The following RANBP2 variants were observed in gnomAD, a reference collection of about 807,000 sequenced individuals.
RANBP2 encodes E3 SUMO-protein ligase RanBP2.
A neutral mutation model predicts 303.6 loss-of-function variants in RANBP2; 57 were observed. That is an observed-to-expected ratio of 0.19 (90% CI 0.15 to 0.23). The LOEUF (loss-of-function observed/expected upper bound fraction) is 0.23. Among genes scored for constraint, RANBP2 ranks in the 10% least tolerant of loss-of-function variants. RANBP2 has a pLI of 1.00. For synonymous variants in RANBP2, 1,167 were observed against 1,301.5 expected (o/e 0.90, Z 2.23); for missense variants, 3,138 against 3,780.8 (o/e 0.83, Z 4.46).
chr2:108,842,787 C>A, the RANBP2 span, among the ~76,000 whole-genome samples: 2 of 152,250 alleles, frequency 1.3e-5, no homozygotes, highest in East Asian at 1.9e-4. Context: ...GTGAAAAAGT[C>A]CAACTTACAT....
chr2:108,833,894 A>ATTTTTTTTTTTTTTTTTTTTTT, the RANBP2 span, among the ~76,000 whole-genome samples: 1 of 79,242 alleles, frequency 1.3e-5, no homozygotes, highest in Non-Finnish European at 2.3e-5. Context: ...CGCCCGGCTA[A>ATTTTTTTTTTTTTTTTTTTTTT]TTTTTTTTTT....
the RANBP2 span, among the ~76,000 whole-genome samples, chr2:109,467,459 G>C: frequency 6.6e-6 from 1 of 152,202 alleles, no homozygotes; most frequent in Non-Finnish European, 1.5e-5. Context: ...AGCAGCTCGG[G>C]GGTTTCCTGG....
the RANBP2 span, among the ~76,000 whole-genome samples, chr2:109,220,394 G>A: frequency 6.6e-6 from 1 of 152,108 alleles, no homozygotes; most frequent in Non-Finnish European, 1.5e-5. Flanking sequence ...GACACCAAAA[G>A]CACAGGCAAT....
the RANBP2 span, among the ~76,000 whole-genome samples, chr2:109,472,677 C>T: frequency 6.6e-6 from 1 of 152,290 alleles, no homozygotes; most frequent in South Asian, 2.1e-4. Flanking sequence ...TTAATTTTTC[C>T]TGTTTCATTC....
the RANBP2 span, among the ~76,000 whole-genome samples, chr2:108,986,790 A>T: frequency 6.6e-6 from 1 of 152,234 alleles, no homozygotes; most frequent in South Asian, 2.1e-4. Flanking sequence ...CTTAAAAAAA[A>T]TTCCTTCCTG....
the RANBP2 span, among the ~76,000 whole-genome samples, chr2:109,671,528 AAGG>A: frequency 6.6e-6 from 1 of 152,162 alleles, no homozygotes; most frequent in Non-Finnish European, 1.5e-5. Flanking sequence ...CAGCCAGGGC[AAGG>A]AGGAGTCCTC....
chr2:108,775,281 G>A (rs1383376855), intron 23 of RANBP2, among the ~76,000 whole-genome samples: 1 of 152,100 alleles, frequency 6.6e-6, no homozygotes, highest in Non-Finnish European at 1.5e-5. Context: ...TATGGTTTAT[G>A]AAAATATTTT....
At chr2:108,880,652 C>T in the RANBP2 span, among the ~76,000 whole-genome samples, 1 of 152,158 alleles carries the variant, frequency 6.6e-6, no homozygotes, top group African/African-American at 2.4e-5. Flanking sequence ...CCTGCCTGTA[C>T]TCTATAAATG....
At chr2:109,319,234 G>A in the RANBP2 span, among the ~76,000 whole-genome samples, 25 of 152,348 alleles carry the variant, frequency 1.6e-4, no homozygotes, top group African/African-American at 5.5e-4. Context: ...GCAGGACCAA[G>A]TGTTAAGCTT....
chr2:109,255,459 G>C, the RANBP2 span, among the ~76,000 whole-genome samples: 33 of 152,182 alleles, frequency 2.2e-4, no homozygotes, highest in African/African-American at 7.0e-4. Context: ...ATTCAGGGTT[G>C]GACTGGGGTT....
Position 108,751,303 on chromosome 2 carries a change from C to T in RANBP2, c.1313C>T (p.Thr438Ile). 2 of 1,611,934 alleles carry T rather than the reference C, an allele frequency of 1.2e-6. No homozygotes were observed. The highest frequency in any genetic ancestry group is 1.7e-6 in the Non-Finnish European group (2 of 1,179,834). ...RAHNGSLQHLTWLGLQWNSLP... is the reference protein window; with the variant it reads ...RAHNGSLQHLIWLGLQWNSLP... Reference sequence around the variant, plus strand: ...CATAATGGTAGTCTTCAGCACCTTACTTGGCTTGGCTTACAGTGGAATTCA... The same window carrying T: ...CATAATGGTAGTCTTCAGCACCTTATTTGGCTTGGCTTACAGTGGAATTCA... Residue 438 changes from threonine to isoleucine, a missense_variant, in exon 10 of 29, where the codon ACT becomes ATT. Transcript: ENST00000283195.
chr2:109,170,265 T>C, the RANBP2 span, among the ~76,000 whole-genome samples: 2 of 59,538 alleles, frequency 3.4e-5, no homozygotes, highest in African/African-American at 9.7e-5. Context: ...TTCTCTTCTC[T>C]TCTCTTCTCT....
chr2:109,726,806 G>T, the RANBP2 span, among the ~76,000 whole-genome samples: 1 of 152,228 alleles, frequency 6.6e-6, no homozygotes, highest in Non-Finnish European at 1.5e-5. Flanking sequence ...AGGGAATGTG[G>T]TCGGGGATAG....
the RANBP2 span, among the ~76,000 whole-genome samples, chr2:109,263,794 G>A: frequency 3.3e-5 from 5 of 152,188 alleles, no homozygotes; most frequent in East Asian, 7.8e-4. Flanking sequence ...GTGAAATGCC[G>A]TCTCTACTAA....
At chr2:108,987,593 T>C in the RANBP2 span, among the ~76,000 whole-genome samples, 1 of 152,204 alleles carries the variant, frequency 6.6e-6, no homozygotes, top group Admixed American at 6.5e-5. Flanking sequence ...GGAAAGTGTA[T>C]TTACTTTTTC....
At chr2:108,822,246 A>G in the RANBP2 span, among the ~76,000 whole-genome samples, 3 of 152,244 alleles carry the variant, frequency 2.0e-5, no homozygotes, top group African/African-American at 7.2e-5. Flanking sequence ...AGGTAAATTC[A>G]CCAAGAAGAT....
the RANBP2 span, among the ~76,000 whole-genome samples, chr2:108,926,981 C>T: frequency 1.3e-5 from 2 of 152,208 alleles, no homozygotes; most frequent in Non-Finnish European, 2.9e-5. Flanking sequence ...CCTGGGGAAG[C>T]CTTGTCTGCA....
chr2:109,644,779 C>A, the RANBP2 span, among the ~76,000 whole-genome samples: 1 of 152,174 alleles, frequency 6.6e-6, no homozygotes, highest in South Asian at 2.1e-4. Context: ...GCGGAGCTGT[C>A]ATCTAAACCT....
the RANBP2 span, among the ~76,000 whole-genome samples, chr2:109,682,112 A>G: frequency 6.6e-6 from 1 of 152,240 alleles, no homozygotes; most frequent in Admixed American, 6.5e-5. Flanking sequence ...TGAAAAGAAT[A>G]AACACATTAC....
Sources: allele counts gnomAD v4.1 joint callset (sites outside exome capture counted in the v4.1 genomes callset), GRCh38; gene constraint gnomAD v4.1.1; transcripts MANE v1.5; gene names NCBI Gene and HGNC (gene_info 2026-07-23, HGNC 2026-07-21).